The following SYCP2 variants were observed in gnomAD, a reference collection of about 807,000 sequenced individuals.
The protein encoded by SYCP2 is synaptonemal complex protein 2, also known as synaptonemal complex lateral element protein.
Under a neutral mutation model 211.3 loss-of-function variants are expected in SYCP2, and 55 were observed. The observed-to-expected ratio is 0.26, with a 90% confidence interval of 0.21 to 0.33. The LOEUF is 0.33. SYCP2 is among the 10% of genes least tolerant of loss of function. The pLI, the probability that SYCP2 is intolerant of heterozygous loss-of-function variation, is 1.00. For missense variants in SYCP2, 1,731 were observed against 1,752.0 expected (o/e 0.99, Z 0.21); for synonymous variants, 570 against 555.2 (o/e 1.03, Z -0.37).
At position 59,914,148 on chromosome 20, in the gene SYCP2, A is replaced by G. The variant is rs775447033; in HGVS notation, c.738T>C (p.Ala246=). ...AGTCCTTAATTCTTTTAAATGCCTT[A>G]GCAATAAAATCCATTGAAAACCACT... ...AHQWFSMDFI[A]KAFKRIKDSE... Residue 246 remains alanine, a synonymous_variant, in exon 11 of 45, where the codon GCT becomes GCC. Transcript: ENST00000357552. 1 of 1,605,336 alleles carries G rather than the reference A, an allele frequency of 6.2e-7. No homozygotes were observed. The highest frequency in any genetic ancestry group is 1.3e-5 in the African/African-American group (1 of 74,788).
chr20:59,924,403 G>T (rs1197193144), intron 2 of SYCP2, among the ~76,000 whole-genome samples: 1 of 151,858 alleles, frequency 6.6e-6, no homozygotes, highest in African/African-American at 2.4e-5. Flanking sequence ...TTCTCCAGTT[G>T]ATCTGTCTAT....
chr20:59,885,574 T>A (rs995403554), intron 26 of SYCP2, among the ~76,000 whole-genome samples: 2 of 152,232 alleles, frequency 1.3e-5, no homozygotes, highest in South Asian at 2.1e-4. Flanking sequence ...AGGTTTTTTT[T>A]AAACAAAATT....
At chr20:59,898,992 A>T (rs1383311393) in intron 18 of SYCP2, among the ~76,000 whole-genome samples, 2 of 152,200 alleles carry the variant, frequency 1.3e-5, no homozygotes, top group Admixed American at 6.5e-5. Context: ...TTATTCAGTC[A>T]GTGGGATGAA....
intron 26 of SYCP2, among the ~76,000 whole-genome samples, chr20:59,884,840 A>G (rs1039050183): frequency 6.6e-5 from 10 of 152,118 alleles, no homozygotes; most frequent in African/African-American, 2.4e-4. Flanking sequence ...GATTCAAAAT[A>G]TAGTGAAAAA....
chr20:59,869,459 T>C (rs1568904787), intron 36 of SYCP2, among the ~76,000 whole-genome samples: 5 of 151,702 alleles, frequency 3.3e-5, no homozygotes. Context: ...TTTTTATTGA[T>C]GGATGGATGG....
At chr20:59,922,505 T>C (rs939233514) in intron 2 of SYCP2, 46 bp from the exon 3 acceptor site, 14 of 1,007,722 alleles carry the variant, frequency 1.4e-5, no homozygotes, top group Non-Finnish European at 2.0e-5. Flanking sequence ...ATCTGTTTCA[T>C]GTGTTTATCA....
At chr20:59,933,310 G>A (rs150656582) in intron 1 of SYCP2, 2,351 of 151,902 alleles carry the variant, frequency 0.015, 21 homozygotes, top group Non-Finnish European at 0.023. Flanking sequence ...CCAGGCAGGT[G>A]CTGATGGGGA....
intron 34 of SYCP2, among the ~76,000 whole-genome samples, chr20:59,874,859 G>A (rs900412934): frequency 2.0e-5 from 3 of 151,536 alleles, no homozygotes; most frequent in Admixed American, 2.0e-4. Flanking sequence ...ATCCACTGTG[G>A]GTCCACAGAA....
Position 59,916,479 on chromosome 20 carries a change from A to G in SYCP2, c.513+7T>C, listed in dbSNP as rs770900603. 4.5e-6 allele frequency: 7 copies of G among 1,555,344 alleles called. No homozygotes were observed. In the African/African-American group the frequency reaches 5.4e-5, roughly 12 times the overall value. ...TTAGTTTTTAAAACACAAATAAATG[A>G]CTTTACCTCTTGCTGAATACAAATA... On this transcript the variant is annotated splice_region_variant and intron_variant, in intron 8 of 44. Coordinates refer to ENST00000357552, the MANE Select transcript of SYCP2 (RefSeq NM_014258.4).
chr20:59,889,558 T>C (rs2059863464), intron 24 of SYCP2, among the ~76,000 whole-genome samples: 1 of 152,020 alleles, frequency 6.6e-6, no homozygotes, highest in South Asian at 2.1e-4. Flanking sequence ...GTTGTAGTAA[T>C]ATACACAAAA....
intron 3 of SYCP2, among the ~76,000 whole-genome samples, chr20:59,921,657 GA>G (rs1186573490): frequency 3.3e-5 from 5 of 151,148 alleles, no homozygotes; most frequent in South Asian, 2.1e-4. Flanking sequence ...AATATGATTA[GA>G]AAAAAATATT....
intron 2 of SYCP2, among the ~76,000 whole-genome samples, chr20:59,931,206 G>T (rs1473794146): frequency 1.3e-5 from 2 of 152,170 alleles, no homozygotes; most frequent in Non-Finnish European, 2.9e-5. Context: ...GACTGCTTGA[G>T]CCCAGGAGCT....
chr20:59,920,103 T>C (rs1017577362), intron 5 of SYCP2, among the ~76,000 whole-genome samples: 4 of 151,550 alleles, frequency 2.6e-5, no homozygotes, highest in African/African-American at 2.4e-5. Flanking sequence ...AGTTAGATAA[T>C]AAGAGTTAAA....
At chr20:59,879,070 A>C (rs2059613976) in intron 31 of SYCP2, among the ~76,000 whole-genome samples, 1 of 152,022 alleles carries the variant, frequency 6.6e-6, no homozygotes, top group Non-Finnish European at 1.5e-5. Context: ...GAGATCTCTA[A>C]TCTTCTACTT....
At chr20:59,917,309 C>T (rs766268606) in intron 7 of SYCP2, among the ~76,000 whole-genome samples, 24 of 152,180 alleles carry the variant, frequency 1.6e-4, no homozygotes, top group South Asian at 8.3e-4. Flanking sequence ...TTTACGTTAA[C>T]GCATTTTTGA....
intron 26 of SYCP2, among the ~76,000 whole-genome samples, chr20:59,883,735 A>C (rs2059730490): frequency 6.6e-6 from 1 of 152,088 alleles, no homozygotes; most frequent in Non-Finnish European, 1.5e-5. Flanking sequence ...CAAAGGATAC[A>C]AAGTTGCAGA....
intron 15 of SYCP2, among the ~76,000 whole-genome samples, chr20:59,906,067 A>G (rs1208452273): frequency 1.3e-5 from 2 of 152,188 alleles, no homozygotes; most frequent in East Asian, 3.8e-4. Context: ...AACGCTGTTG[A>G]GAGAAATCAA....
chr20:59,886,957 A>C, intron 24 of SYCP2, 123 bp from the exon 25 acceptor site: 1 of 702,258 alleles, frequency 1.4e-6, no homozygotes, highest in Non-Finnish European at 2.2e-6. Context: ...AAATAAAGAG[A>C]GTCAACTGTT....
Position 59,913,986 on chromosome 20 carries a change from T to C in SYCP2, c.819A>G (p.Gly273=). ...IFLNLVNGML[G]DKRRVFTFPC... ...TGCATTAAGTTTACCTTCTTTTGTC[T>C]CCAAGCATGCCATTTACAAGGTTGA... Residue 273 remains glycine (G), a synonymous_variant, in exon 12 of 45, where the codon GGA becomes GGG. Coordinates refer to ENST00000357552, the MANE Select transcript of SYCP2 (RefSeq NM_014258.4). 1 of 1,599,880 alleles carries C rather than the reference T, an allele frequency of 6.3e-7. No homozygotes were observed. Among genetic ancestry groups the C allele is most frequent in the South Asian group, 1.1e-5 (1 of 87,892 alleles).
Sources: gnomAD v4.1 joint callset for allele counts (sites outside exome capture counted in the v4.1 genomes callset) on GRCh38, gnomAD v4.1.1 for gene constraint, MANE v1.5 for transcripts, NCBI Gene and HGNC (gene_info 2026-07-23, HGNC 2026-07-21) for gene names.